Variants in UNC13B observed in about 807,000 individuals in gnomAD.
The protein encoded by UNC13B is protein unc-13 homolog B.
Under a neutral mutation model 211.0 loss-of-function variants are expected in UNC13B, and 144 were observed. The observed-to-expected ratio is 0.68, with a 90% CI of 0.60 to 0.78. The LOEUF (loss-of-function observed/expected upper bound fraction) is 0.78, where lower values mean the gene tolerates loss of function less well. UNC13B is among the 30% of genes least tolerant of loss of function. The pLI is 0.00. For missense variants in UNC13B, 1,777 were observed against 2,002.0 expected, an observed-to-expected ratio of 0.89 and a Z score of 2.14; for synonymous variants, 709 against 725.8, an observed-to-expected ratio of 0.98 and a Z score of 0.37.
chr9:35,232,485 A>G (rs1483139565), intron 3 of UNC13B, among the ~76,000 whole-genome samples: 1 of 151,940 alleles, frequency 6.6e-6, no homozygotes, highest in Non-Finnish European at 1.5e-5. Flanking sequence ...CCCAGCTTAT[A>G]TTGCTTCCTA....
Position 35,380,390 on chromosome 9 carries a change from C to A in UNC13B, c.10206-80C>A, listed in dbSNP as rs2035006907. On this transcript the variant is annotated intron_variant, in intron 17 of 39. Transcript: ENST00000635942. ...AGGGCCTCAAGTGCAGCTGTCGGAGCTTTTGGGAGGGAATAGGAAGTAACA... is the reference window on the plus strand; with the variant it reads ...AGGGCCTCAAGTGCAGCTGTCGGAGATTTTGGGAGGGAATAGGAAGTAACA... The A allele has an allele frequency of 3.4e-6, 5 of 1,489,914 alleles. No individual in the cohort carries two copies. In the Admixed American group the frequency reaches 5.7e-5, roughly 17 times the overall value. 92.3% of individuals were successfully genotyped at this position (1,489,914 alleles called of 1,614,324 possible).
chr9:35,242,587 A>G (rs1462039531), intron 5 of UNC13B, among the ~76,000 whole-genome samples: 1 of 152,176 alleles, frequency 6.6e-6, no homozygotes, highest in Non-Finnish European at 1.5e-5. Context: ...ATGTCCTCAA[A>G]GTTTATCCAT....
At chr9:35,254,995 ATAT>A (rs2131607025) in intron 6 of UNC13B, among the ~76,000 whole-genome samples, 1 of 121,038 alleles carries the variant, frequency 8.3e-6, no homozygotes, top group South Asian at 2.2e-4. Flanking sequence ...TGTATATATT[ATAT>A]TATATTATAT....
intron 6 of UNC13B, among the ~76,000 whole-genome samples, chr9:35,246,409 T>A (rs1361088675): frequency 1.3e-5 from 2 of 152,270 alleles, no homozygotes; most frequent in South Asian, 2.1e-4. Flanking sequence ...GGTGTTTTAG[T>A]CATGAAGTCC....
At chr9:35,174,766 G>C (rs191694752) in intron 1 of UNC13B, among the ~76,000 whole-genome samples, 1 of 152,246 alleles carries the variant, frequency 6.6e-6, no homozygotes, top group East Asian at 1.9e-4. Context: ...AGCCAGGATA[G>C]TCTCAATCTC....
intron 11 of UNC13B, among the ~76,000 whole-genome samples, chr9:35,364,060 G>A (rs1196764807): frequency 6.6e-6 from 1 of 152,160 alleles, no homozygotes; most frequent in Non-Finnish European, 1.5e-5. Context: ...AGCCTGCATT[G>A]CAAAATGGAA....
At chr9:35,268,756 T>C (rs1192281681) in intron 7 of UNC13B, among the ~76,000 whole-genome samples, 1 of 152,220 alleles carries the variant, frequency 6.6e-6, no homozygotes, top group African/African-American at 2.4e-5. Flanking sequence ...GTTTTCCAGA[T>C]CTCTTTGTTG....
chr9:35,378,210 C>G lies in UNC13B; in HGVS notation c.10064-85C>G, dbSNP rs1834570137. On this transcript the variant is annotated intron_variant, in intron 16 of 39. Coordinates refer to ENST00000635942, the MANE Select transcript of UNC13B (RefSeq NM_001371189.2). ...ACGGTATCTGTGCAAGGAGCATAGA[C>G]TGCTCTAAGATGGAAAGCATATGAG... The G allele has an allele frequency of 3.2e-6, 5 of 1,553,662 alleles. No individual in the cohort carries two copies. In the Admixed American group the frequency reaches 9.0e-5, roughly 28 times the overall value.
At chr9:35,357,804 T>G (rs1253657045) in intron 11 of UNC13B, among the ~76,000 whole-genome samples, 1 of 152,202 alleles carries the variant, frequency 6.6e-6, no homozygotes, top group Non-Finnish European at 1.5e-5. Flanking sequence ...TTTCTGAATA[T>G]TATGTGGAAC....
Position 35,380,482 on chromosome 9 carries a change from C to G in UNC13B, c.10218C>G (p.Asn3406Lys). 1.9e-6 allele frequency: 3 copies of G among 1,614,058 alleles called. No homozygotes were observed. The highest frequency in any genetic ancestry group is 2.5e-6 in the Non-Finnish European group (3 of 1,179,960). Residue 3406 changes from asparagine (N) to lysine (K), a missense_variant, in exon 18 of 40, where the codon AAC becomes AAG. Coordinates refer to ENST00000635942, the MANE Select transcript of UNC13B (RefSeq NM_001371189.2). ...WEEKFHFECHNSSDRIKVRVW... is the reference protein window; with the variant it reads ...WEEKFHFECHKSSDRIKVRVW... The stretch of plus-strand genomic sequence containing the variant: ...AATTCTCTCACAGTGAGTGCCACAA[C>G]TCCTCTGACCGCATTAAGGTGCGTG...
At chr9:35,269,991 C>T (rs1026886617) in intron 7 of UNC13B, among the ~76,000 whole-genome samples, 15 of 152,038 alleles carry the variant, frequency 9.9e-5, no homozygotes, top group Non-Finnish European at 2.2e-4. Flanking sequence ...ATGGGTGTTC[C>T]TTTTAACTAG....
At chr9:35,398,712 C>G (rs1050792608) in intron 32 of UNC13B, 70 bp downstream of exon 32, 2 of 1,577,038 alleles carry the variant, frequency 1.3e-6, no homozygotes, top group Non-Finnish European at 1.7e-6. Flanking sequence ...AGCCCTTGCC[C>G]CACACCTCTC....
At chr9:35,287,936 G>A (rs1828887294) in intron 7 of UNC13B, among the ~76,000 whole-genome samples, 2 of 151,620 alleles carry the variant, frequency 1.3e-5, no homozygotes, top group Admixed American at 1.3e-4. Flanking sequence ...TCTTCAGCCT[G>A]CCCCCATGTT....
chr9:35,203,701 C>T (rs1823463768), intron 1 of UNC13B, among the ~76,000 whole-genome samples: 1 of 152,196 alleles, frequency 6.6e-6, no homozygotes, highest in African/African-American at 2.4e-5. Flanking sequence ...TGTGGCCTGG[C>T]TGCTTCTAAC....
At chr9:35,241,936 A>C (rs570989579) in intron 5 of UNC13B, among the ~76,000 whole-genome samples, 1 of 152,324 alleles carries the variant, frequency 6.6e-6, no homozygotes, top group African/African-American at 2.4e-5. Context: ...AGTTTTGGAC[A>C]GGTGGAACCA....
At chr9:35,192,896 T>A (rs1822734354) in intron 1 of UNC13B, among the ~76,000 whole-genome samples, 1 of 152,230 alleles carries the variant, frequency 6.6e-6, no homozygotes, top group South Asian at 2.1e-4. Context: ...ACCTTCCTTT[T>A]GGTGTGACCC....
chr9:35,390,638 G>A lies in UNC13B; in HGVS notation c.11232G>A (p.Gln3744=). 1 of 1,613,982 alleles carries A rather than the reference G, an allele frequency of 6.2e-7. No individual in the cohort carries two copies. ...TTCTTCTGTCATCCAGGTTTCCTCA[G>A]GAGTTGAATGTGGGAAAAGTCAGCG... ...SYTPVLNQFP[Q]ELNVGKVSAE... The change falls in exon 26 of 40, where the codon CAG becomes CAA. Residue 3744 remains glutamine (Q), a synonymous_variant. Transcript: ENST00000635942.
At chr9:35,340,887 A>G (rs1259146814) in intron 11 of UNC13B, among the ~76,000 whole-genome samples, 2 of 152,202 alleles carry the variant, frequency 1.3e-5, no homozygotes, top group Non-Finnish European at 2.9e-5. Flanking sequence ...CAGAGCTTCA[A>G]GGGGTCCTGG....
intron 11 of UNC13B, chr9:35,352,764 CAG>C (rs1832797867): frequency 3.2e-6 from 4 of 1,232,152 alleles, no homozygotes; most frequent in Non-Finnish European, 4.0e-6. Context: ...GATGAACTGT[CAG>C]AGAAAAAGGC....
Sources: allele counts gnomAD v4.1 joint callset (sites outside exome capture counted in the v4.1 genomes callset), GRCh38; gene constraint gnomAD v4.1.1; transcripts MANE v1.5; gene names NCBI Gene and HGNC (gene_info 2026-07-23, HGNC 2026-07-21).